KCNQ1: variants seen among roughly 807,000 people sequenced by gnomAD.
The protein encoded by KCNQ1 is potassium voltage-gated channel subfamily KQT member 1.
In KCNQ1, 49 loss-of-function variants were observed where a neutral mutation model predicts 72.4. The observed-to-expected ratio is 0.68, with a 90% CI of 0.54 to 0.86. The LOEUF is 0.86. Ranked by LOEUF, KCNQ1 falls within the 40% of genes least tolerant of loss-of-function variation. The probability of loss-of-function intolerance (pLI) is 0.00; values close to 1 mark genes in which losing one functional copy is unlikely to be tolerated. For synonymous variants in KCNQ1, 450 were observed against 412.6 expected, an observed-to-expected ratio of 1.09 and a Z score of -1.10; for missense variants, 790 against 945.1, an observed-to-expected ratio of 0.84 and a Z score of 2.15.
chr11:2,791,891 C>T (rs1289493232), intron 15 of KCNQ1, among the ~76,000 whole-genome samples: 5 of 152,252 alleles, frequency 3.3e-5, no homozygotes, highest in East Asian at 1.9e-4. Context: ...AAATGGCTGA[C>T]GCGGCGCACG....
At chr11:2,699,676 G>T (rs1187017440) in intron 11 of KCNQ1, 3 of 354,924 alleles carry the variant, frequency 8.5e-6, no homozygotes, top group Non-Finnish European at 1.5e-5. Flanking sequence ...GGAGAACCGC[G>T]CCGAAAAGCC....
Position 2,620,994 on chromosome 11 carries a change from T to C in KCNQ1, c.1393+32140T>C. 2.5e-6 allele frequency: 1 copy of C among 397,920 alleles called. No homozygotes were observed. Among genetic ancestry groups the C allele is most frequent in the Non-Finnish European group, 4.4e-6 (1 of 226,052 alleles). 24.6% of individuals were successfully genotyped at this position (397,920 alleles called of 1,614,324 possible). ...GCTTTTTTGTTTGTTTGTTTGTTTT[T>C]TGAGAAAGAGTCTTGCTCTGTCTCC... On this transcript the variant is annotated intron_variant, in intron 10 of 15. Transcript: ENST00000155840. This position sits in a 1 kb window ranked among gnomAD's most constrained non-coding sequence, Gnocchi z 4.5.
chr11:2,662,662 G>T, intron 11 of KCNQ1: 1 of 406,078 alleles, frequency 2.5e-6, no homozygotes, highest in Non-Finnish European at 4.3e-6. Context: ...CCTGCGACAT[G>T]TGACTCCCCG....
At chr11:2,719,965 G>T (rs1021978124) in intron 11 of KCNQ1, among the ~76,000 whole-genome samples, 2 of 152,340 alleles carry the variant, frequency 1.3e-5, no homozygotes, top group Admixed American at 1.3e-4. Context: ...AGACCCCAGG[G>T]TCTGACCCCT....
At position 2,627,344 on chromosome 11, in the gene KCNQ1, T is replaced by A. The variant is rs377042470; in HGVS notation, c.1394-34617T>A. Reference sequence around the variant, plus strand: ...GTCAGAATACCTAAGCTATACTCTCTTAGCAAATTCCAAGTATAGAATATA... The same window carrying A: ...GTCAGAATACCTAAGCTATACTCTCATAGCAAATTCCAAGTATAGAATATA... On this transcript the variant is annotated intron_variant, in intron 10 of 15. Transcript: ENST00000155840. The surrounding 1 kb of genome is among the most constrained non-coding windows in gnomAD (Gnocchi z 4.9). The A allele has an allele frequency of 1.8e-5, 7 of 398,538 alleles. No homozygotes were observed. Among genetic ancestry groups the A allele is most frequent in the African/African-American group, 1.2e-4 (6 of 48,738 alleles). The allele number at this position is 398,538 out of a possible 1,614,324, so 24.7% of individuals were successfully genotyped here.
intron 10 of KCNQ1, chr11:2,639,584 G>C (rs1452550806): frequency 6.6e-6 from 1 of 152,472 alleles, no homozygotes; most frequent in Non-Finnish European, 1.5e-5. Flanking sequence ...CTTCGTCTCA[G>C]AGGAGTACCC....
In KCNQ1 at chr11:2,656,778, C is replaced by A. The variant is rs560815351; in HGVS notation, c.1394-5183C>A. The A allele has an allele frequency of 9.8e-5, 39 of 398,584 alleles. No homozygotes were observed. In the East Asian group the frequency reaches 1.1e-3, roughly 11 times the overall value. 24.7% of individuals were successfully genotyped at this position (398,584 alleles called of 1,614,324 possible). A position where few individuals can be genotyped will look rare whatever the true frequency, so the allele number is the denominator to read the frequency against. On this transcript the variant is annotated intron_variant, in intron 10 of 15. Coordinates refer to ENST00000155840, the MANE Select transcript of KCNQ1 (RefSeq NM_000218.3). The stretch of plus-strand genomic sequence containing the variant: ...TGGTTATTGCTTCTTTTAAAAAAAA[C>A]CATCCTAATGCTGATGTCATTAAGA...
intron 15 of KCNQ1, among the ~76,000 whole-genome samples, chr11:2,796,966 C>G (rs1012594514): frequency 6.6e-6 from 1 of 152,360 alleles, no homozygotes; most frequent in South Asian, 2.1e-4. Context: ...CCTAACCCCC[C>G]AAGGGCCAGA....
chr11:2,513,889 G>T (rs1407353992), intron 1 of KCNQ1, among the ~76,000 whole-genome samples: 1 of 152,224 alleles, frequency 6.6e-6, no homozygotes, highest in Non-Finnish European at 1.5e-5. Context: ...CCCGGCTAAA[G>T]CCCCACCTGC....
chr11:2,709,884 A>G (rs1488182029), intron 11 of KCNQ1, among the ~76,000 whole-genome samples: 2 of 152,186 alleles, frequency 1.3e-5, no homozygotes, highest in Non-Finnish European at 2.9e-5. Context: ...TTATCCATTC[A>G]TTCATTGAAC....
intron 15 of KCNQ1, among the ~76,000 whole-genome samples, chr11:2,837,570 G>C (rs458069): frequency 0.24 from 36,889 of 152,196 alleles, 4,989 homozygotes; most frequent in South Asian, 0.33. Flanking sequence ...TCGGGGAGGC[G>C]GCCTCTAAGA....
chr11:2,834,511 CT>C (rs1848021618), intron 15 of KCNQ1, among the ~76,000 whole-genome samples: 3 of 152,316 alleles, frequency 2.0e-5, no homozygotes, highest in Admixed American at 2.0e-4. Flanking sequence ...TCTCCAAGGT[CT>C]TTTGGGGGCT....
At chr11:2,649,925 G>A in intron 10 of KCNQ1, 1 of 398,448 alleles carries the variant, frequency 2.5e-6, no homozygotes, top group Non-Finnish European at 4.4e-6. Flanking sequence ...CTCCCAAAAT[G>A]TGAAATATTG....
rs1851179082 is a variant in KCNQ1 at position 2,720,215 on chromosome 11, A to G, written c.1515-48629A>G. Among the ~76,000 whole-genome samples the G allele has an allele frequency of 1.3e-5, 2 of 152,188 alleles. No homozygotes were observed. The highest frequency in any genetic ancestry group is 4.1e-4 in the South Asian group (2 of 4,830). ...CTGTGGGCATGATGGATGTGTAAAG[A>G]ATCGAGAAGCCAAGTGCCCTTGCCA... On this transcript the variant is annotated intron_variant, in intron 11 of 15. Transcript: ENST00000155840. This position sits in a 1 kb window ranked among gnomAD's most constrained non-coding sequence, Gnocchi z 5.1.
At chr11:2,717,655 G>A (rs1165792140) in intron 11 of KCNQ1, among the ~76,000 whole-genome samples, 2 of 152,208 alleles carry the variant, frequency 1.3e-5, no homozygotes, top group African/African-American at 4.8e-5. Context: ...CCCCAGGCCC[G>A]TATGAACTGG....
rs1223803263 is a variant in KCNQ1, at chr11:2,494,709, A to C, written c.387-33219A>C. Among the ~76,000 whole-genome samples, 2 of 152,214 alleles carry C rather than the reference A, an allele frequency of 1.3e-5. No homozygotes were observed. Among genetic ancestry groups the C allele is most frequent in the Non-Finnish European group, 2.9e-5 (2 of 68,034 alleles). ...TGAAGCCCACTTGATCACCATGGAT[A>C]AGCTTTTTGATGTGCTGCTGGATTC... On this transcript the variant is annotated intron_variant, in intron 1 of 15. Coordinates refer to ENST00000155840, the MANE Select transcript of KCNQ1 (RefSeq NM_000218.3). The surrounding 1 kb of genome is among the most constrained non-coding windows in gnomAD (Gnocchi z 4.6).
At chr11:2,801,346 G>A (rs899852764) in intron 15 of KCNQ1, among the ~76,000 whole-genome samples, 2 of 152,212 alleles carry the variant, frequency 1.3e-5, no homozygotes, top group Admixed American at 1.3e-4. Flanking sequence ...CCAGCTTCCT[G>A]CTGGCCAGTC....
chr11:2,601,482 A>G lies in KCNQ1; in HGVS notation c.1393+12628A>G, dbSNP rs918536572. ...TCTTCTAAAACCATAGCACAATATG[A>G]TAACCAGGATGTCAACAGCAAGAGT... On this transcript the variant is annotated intron_variant, in intron 10 of 15. Coordinates refer to ENST00000155840, the MANE Select transcript of KCNQ1 (RefSeq NM_000218.3). This position sits in a 1 kb window ranked among gnomAD's most constrained non-coding sequence, Gnocchi z 5.2. Among the ~76,000 whole-genome samples, 2 of 152,226 alleles carry G rather than the reference A, an allele frequency of 1.3e-5. No homozygotes were observed. The highest frequency in any genetic ancestry group is 2.9e-5 in the Non-Finnish European group (2 of 68,036).
chr11:2,467,978 C>T (rs976955381), intron 1 of KCNQ1, among the ~76,000 whole-genome samples: 3 of 152,202 alleles, frequency 2.0e-5, no homozygotes, highest in Admixed American at 6.5e-5. Flanking sequence ...CCCAGTGGCC[C>T]TGTGGGTGCA....
Sources: gnomAD v4.1 joint callset for allele counts (sites outside exome capture counted in the v4.1 genomes callset) on GRCh38, gnomAD v4.1.1 for gene constraint, Gnocchi (gnomAD v3.1) non-coding constraint, MANE v1.5 for transcripts, NCBI Gene and HGNC (gene_info 2026-07-23, HGNC 2026-07-21) for gene names.